Variants in UGT1A3 observed in about 807,000 individuals in gnomAD.
The protein encoded by UGT1A3 is UDP-glucuronosyltransferase 1A3.
A neutral mutation model predicts 41.0 loss-of-function variants in UGT1A3; 31 were observed. That is an observed-to-expected ratio of 0.76 (90% CI 0.57 to 1.02). The LOEUF (loss-of-function observed/expected upper bound fraction) is 1.02, where lower values mean the gene tolerates loss of function less well. UGT1A3 is among the 50% of genes least tolerant of loss of function. The pLI is 0.00. For synonymous variants in UGT1A3, 262 were observed against 257.6 expected (o/e 1.02, Z -0.17); for missense variants, 737 against 671.0 (o/e 1.10, Z -1.09).
At chr2:233,733,976 G>A (rs1421347211) in intron 1 of UGT1A3, among the ~76,000 whole-genome samples, 2 of 152,086 alleles carry the variant, frequency 1.3e-5, no homozygotes, top group Non-Finnish European at 2.9e-5. Context: ...GGAGCGGGGA[G>A]GGATAGCATT....
intron 1 of UGT1A3, among the ~76,000 whole-genome samples, chr2:233,739,591 A>G (rs1168913581): frequency 1.3e-5 from 2 of 152,242 alleles, no homozygotes; most frequent in Non-Finnish European, 2.9e-5. Flanking sequence ...CATGGGGCCT[A>G]TAGCCCCTTT....
At chr2:233,743,956 G>C in intron 1 of UGT1A3, 2 of 1,338,248 alleles carry the variant, frequency 1.5e-6, no homozygotes, top group Non-Finnish European at 2.0e-6. Flanking sequence ...CTGGCACAGC[G>C]AGCGGCAAGG....
intron 1 of UGT1A3, among the ~76,000 whole-genome samples, chr2:233,748,582 G>T (rs1210700498): frequency 4.6e-5 from 7 of 151,806 alleles, no homozygotes; most frequent in Non-Finnish European, 1.0e-4. Flanking sequence ...TAAAGAGGTT[G>T]ACTCAGTTCA....
intron 1 of UGT1A3, chr2:233,755,099 C>G: frequency 2.2e-6 from 3 of 1,335,076 alleles, no homozygotes; most frequent in Non-Finnish European, 3.0e-6. Context: ...TCTACGCGTC[C>G]GACAACACCT....
chr2:233,772,918 GCAGTTTTAATCTTATCTTTT>G lies in UGT1A3; in HGVS notation c.*360_*379del. 2.7e-6 allele frequency: 1 copy of G among 377,336 alleles called. No homozygotes were observed. The allele number at this position is 377,336 out of a possible 1,614,324, so 23.4% of individuals were successfully genotyped here. A position where few individuals can be genotyped will look rare whatever the true frequency, so the allele number is the denominator to read the frequency against. On this transcript the variant is annotated 3_prime_UTR_variant, in exon 5 of 5. Transcript: ENST00000482026. ...CCCACGGCTGCCCCTACTGCAAATG[GCAGTTTTAATCTTATCTTTT>G]GGCTTCTGCAGATGGTTGCAATTGA...
intron 1 of UGT1A3, among the ~76,000 whole-genome samples, chr2:233,734,479 AT>A (rs1271707890): frequency 6.6e-6 from 1 of 151,796 alleles, no homozygotes; most frequent in Non-Finnish European, 1.5e-5. Flanking sequence ...GGATTCATTG[AT>A]TTTTTTGAAG....
At chr2:233,735,234 CTTG>C (rs1328873988) in intron 1 of UGT1A3, among the ~76,000 whole-genome samples, 2 of 152,132 alleles carry the variant, frequency 1.3e-5, no homozygotes, top group African/African-American at 4.8e-5. Context: ...ATAGTTAGCT[CTTG>C]TTGTTGAATT....
chr2:233,764,333 T>C (rs1001712287), intron 1 of UGT1A3, among the ~76,000 whole-genome samples: 8 of 152,206 alleles, frequency 5.3e-5, no homozygotes, highest in African/African-American at 1.9e-4. Flanking sequence ...AAGTAGGGGA[T>C]GGACTTCACC....
chr2:233,767,049 AT>A lies in UGT1A3; in HGVS notation c.885del (p.Asn296MetfsTer71). ...KPLSQEFEAY[I>X]NASGEHGIVV... ...CTGGCTCTAGGAATTTGAAGCCTACATTAATGCTTCTGGAGAACATGGAATT... is the reference window on the plus strand; with the variant it reads ...CTGGCTCTAGGAATTTGAAGCCTACATAATGCTTCTGGAGAACATGGAATT... On this transcript the variant is annotated frameshift_variant, in exon 2 of 5. Transcript: ENST00000482026. LOFTEE classifies it high-confidence loss of function. The A allele has an allele frequency of 6.2e-7, 1 of 1,614,146 alleles. No individual in the cohort carries two copies. The highest frequency in any genetic ancestry group is 8.5e-7 in the Non-Finnish European group (1 of 1,180,002).
At position 233,769,446 on chromosome 2, in the gene UGT1A3, C is replaced by T. The variant is rs1239046634; in HGVS notation, c.1307+1007C>T. 4 of 1,588,334 alleles carry T rather than the reference C, an allele frequency of 2.5e-6. No homozygotes were observed. The highest frequency in any genetic ancestry group is 3.4e-6 in the Non-Finnish European group (4 of 1,161,110). On this transcript the variant is annotated intron_variant, in intron 4 of 4. Coordinates refer to ENST00000482026, the MANE Select transcript of UGT1A3 (RefSeq NM_019093.4). This position sits in a 1 kb window ranked among gnomAD's most constrained non-coding sequence, Gnocchi z 4.4. ...GTGGCTGTGCTCATGTGTGGGTGCA[C>T]ACGTGTGCATTCATATGCGTGTGTG...
rs149047303 is a variant in UGT1A3, at chr2:233,763,705, A to G, written c.868-3329A>G. Among the ~76,000 whole-genome samples, 745 of 152,324 alleles carry G rather than the reference A, an allele frequency of 4.9e-3. 10 individuals carry two copies. Among genetic ancestry groups the G allele is most frequent in the African/African-American group, 0.017 (698 of 41,584 alleles). ...AAGATAAAACTTTTATTGCACAAAG[A>G]AGTCCATAGAGAAAGCACAACCTGG... On this transcript the variant is annotated intron_variant, in intron 1 of 4. Coordinates refer to ENST00000482026, the MANE Select transcript of UGT1A3 (RefSeq NM_019093.4).
At chr2:233,764,456 G>A (rs184552145) in intron 1 of UGT1A3, among the ~76,000 whole-genome samples, 34 of 152,210 alleles carry the variant, frequency 2.2e-4, no homozygotes, top group African/African-American at 7.9e-4. Context: ...TTAAACTTTC[G>A]TGATCTCCTG....
intron 1 of UGT1A3, chr2:233,739,067 G>A (rs1690974167): frequency 6.6e-6 from 1 of 152,282 alleles, no homozygotes. Context: ...TTCAGAGGGT[G>A]CAAACCTCAA....
chr2:233,755,487 G>GT (rs1198715478), intron 1 of UGT1A3: 2 of 206,234 alleles, frequency 9.7e-6, no homozygotes. Flanking sequence ...GTGAGGCCCT[G>GT]TGATGCTCCA....
chr2:233,751,726 T>C (rs148405152), intron 1 of UGT1A3, among the ~76,000 whole-genome samples: 37 of 152,334 alleles, frequency 2.4e-4, no homozygotes, highest in Admixed American at 6.5e-4. Context: ...AAGTGAACTC[T>C]TCCTCTCTGT....
chr2:233,746,667 C>T (rs4663969), intron 1 of UGT1A3, among the ~76,000 whole-genome samples: 19 of 151,232 alleles, frequency 1.3e-4, no homozygotes, highest in Non-Finnish European at 2.4e-4. Flanking sequence ...GAGTTCCTAG[C>T]ATAGTAGGTA....
At chr2:233,757,617 A>C (rs1696679661) in intron 1 of UGT1A3, among the ~76,000 whole-genome samples, 1 of 148,812 alleles carries the variant, frequency 6.7e-6, no homozygotes, top group South Asian at 2.2e-4. Flanking sequence ...AACTGCTAAA[A>C]GATACAAGGC....
chr2:233,733,268 A>G (rs2078375878), intron 1 of UGT1A3, among the ~76,000 whole-genome samples: 1 of 152,120 alleles, frequency 6.6e-6, no homozygotes. Flanking sequence ...GGACTATTTG[A>G]CTTCCTCTTT....
In UGT1A3 at chr2:233,769,703, A is replaced by G. The variant is rs1416273085; in HGVS notation, c.1307+1264A>G. 46 of 1,521,058 alleles carry G rather than the reference A, an allele frequency of 3.0e-5. No individual in the cohort carries two copies. Among genetic ancestry groups the G allele is most frequent in the Non-Finnish European group, 3.6e-5 (41 of 1,133,112 alleles). 94.2% of individuals were successfully genotyped at this position (1,521,058 alleles called of 1,614,324 possible). A position where few individuals can be genotyped will look rare whatever the true frequency, so the allele number is the denominator to read the frequency against. ...TGTGGTGGCACTGGATAAAAGATCA[A>G]TGTTGGCTAGGCACCATGGCACACG... On this transcript the variant is annotated intron_variant, in intron 4 of 4. Coordinates refer to ENST00000482026, the MANE Select transcript of UGT1A3 (RefSeq NM_019093.4). The surrounding 1 kb of genome is among the most constrained non-coding windows in gnomAD (Gnocchi z 4.4).
Sources: gnomAD v4.1 joint callset for allele counts (sites outside exome capture counted in the v4.1 genomes callset) on GRCh38, gnomAD v4.1.1 for gene constraint, Gnocchi (gnomAD v3.1) non-coding constraint, MANE v1.5 for transcripts, NCBI Gene and HGNC (gene_info 2026-07-23, HGNC 2026-07-21) for gene names.